The following CCSER1 variants were observed in gnomAD, a reference collection of about 807,000 sequenced individuals.
The protein encoded by CCSER1 is serine-rich coiled-coil domain-containing protein 1.
A neutral mutation model predicts 82.0 loss-of-function variants in CCSER1; 41 were observed. That is an observed-to-expected ratio of 0.50 (90% confidence interval 0.39 to 0.65). The LOEUF is 0.65. CCSER1 is among the 30% of genes least tolerant of loss of function. The pLI is 0.00. For synonymous variants in CCSER1, 414 were observed against 383.9 expected (o/e 1.08, Z -0.92); for missense variants, 1,119 against 1,064.2 (o/e 1.05, Z -0.72).
At chr4:91,503,215 G>A (rs1032057870) in intron 10 of CCSER1, among the ~76,000 whole-genome samples, 5 of 151,722 alleles carry the variant, frequency 3.3e-5, no homozygotes, top group Admixed American at 6.6e-5. Flanking sequence ...GGTGGCGGGC[G>A]CCTGTGGTCC....
intron 5 of CCSER1, among the ~76,000 whole-genome samples, chr4:90,553,099 A>G (rs909694846): frequency 6.6e-5 from 10 of 151,904 alleles, no homozygotes; most frequent in African/African-American, 2.4e-4. Context: ...GGCTGCCAGT[A>G]GCTGAGACTA....
chr4:90,779,119 C>A (rs901910476), intron 7 of CCSER1, among the ~76,000 whole-genome samples: 4 of 152,170 alleles, frequency 2.6e-5, no homozygotes, highest in African/African-American at 9.6e-5. Context: ...TTCATTCATT[C>A]TCTGTATTCT....
chr4:90,419,462 T>C (rs1756356919), intron 4 of CCSER1, among the ~76,000 whole-genome samples: 1 of 151,938 alleles, frequency 6.6e-6, no homozygotes. Flanking sequence ...GCAAATACTC[T>C]GGTTAAAGAA....
At chr4:90,752,055 A>T (rs1421200398) in intron 7 of CCSER1, among the ~76,000 whole-genome samples, 1 of 152,126 alleles carries the variant, frequency 6.6e-6, no homozygotes, top group African/African-American at 2.4e-5. Context: ...AGGTAGCTAT[A>T]TTACAAGCTT....
At chr4:90,843,396 C>G (rs1239944516) in intron 8 of CCSER1, among the ~76,000 whole-genome samples, 1 of 152,114 alleles carries the variant, frequency 6.6e-6, no homozygotes, top group Non-Finnish European at 1.5e-5. Flanking sequence ...AGTTAGGCCT[C>G]AAATAGTTTA....
At chr4:90,545,233 T>C (rs1343404022) in intron 5 of CCSER1, among the ~76,000 whole-genome samples, 1 of 152,112 alleles carries the variant, frequency 6.6e-6, no homozygotes, top group Non-Finnish European at 1.5e-5. Context: ...GGGAAGGTTT[T>C]TTACTTCCCT....
intron 1 of CCSER1, among the ~76,000 whole-genome samples, chr4:90,237,944 G>C (rs1190836157): frequency 6.6e-6 from 1 of 152,136 alleles, no homozygotes; most frequent in Non-Finnish European, 1.5e-5. Context: ...AGCCCTGCTA[G>C]TTAATATTCA....
chr4:90,950,170 G>A (rs1407176934), intron 9 of CCSER1, among the ~76,000 whole-genome samples: 1 of 152,034 alleles, frequency 6.6e-6, no homozygotes, highest in Non-Finnish European at 1.5e-5. Context: ...AAAACAACAT[G>A]TTAATAAAAA....
At position 90,758,914 on chromosome 4, in the gene CCSER1, G is replaced by A. The variant is rs561637472; in HGVS notation, c.2010+34923G>A. 2.2e-4 allele frequency among the ~76,000 whole-genome samples: 33 copies of A among 152,220 alleles called. No homozygotes were observed. The South Asian group carries it at 6.8e-3, about 32-fold the overall frequency. On this transcript the variant is annotated intron_variant, in intron 7 of 10. Coordinates refer to ENST00000509176, the MANE Select transcript of CCSER1 (RefSeq NM_001145065.2). ...GGGGATAATCTGTCTAAGGGGAGAA[G>A]GGATTTAATAATATTTCATGCTATT...
intron 7 of CCSER1, among the ~76,000 whole-genome samples, chr4:90,794,023 T>C (rs371864811): frequency 1.3e-5 from 2 of 152,226 alleles, no homozygotes; most frequent in East Asian, 3.8e-4. Flanking sequence ...GTTTTTGTCT[T>C]GTAAGTTTGT....
intron 10 of CCSER1, among the ~76,000 whole-genome samples, chr4:91,505,196 T>C (rs1759421248): frequency 6.6e-6 from 1 of 152,194 alleles, no homozygotes; most frequent in African/African-American, 2.4e-5. Context: ...CATACAGTGT[T>C]TGGTTTTCTG....
chr4:90,512,038 T>C (rs1771602465), intron 5 of CCSER1, among the ~76,000 whole-genome samples: 2 of 152,202 alleles, frequency 1.3e-5, no homozygotes, highest in Non-Finnish European at 2.9e-5. Context: ...AAAAAATGAA[T>C]ACCCAGTGGT....
chr4:90,298,257 C>T (rs1271741684), intron 1 of CCSER1, among the ~76,000 whole-genome samples: 1 of 152,114 alleles, frequency 6.6e-6, no homozygotes, highest in African/African-American at 2.4e-5. Context: ...TCCATTTCTT[C>T]TAGATTTTCT....
intron 1 of CCSER1, among the ~76,000 whole-genome samples, chr4:90,254,133 C>T (rs1722847167): frequency 6.6e-6 from 1 of 152,192 alleles, no homozygotes; most frequent in Non-Finnish European, 1.5e-5. Flanking sequence ...TCTGTCTCCT[C>T]TTAAATTTCT....
intron 7 of CCSER1, among the ~76,000 whole-genome samples, chr4:90,779,166 A>G (rs17017551): frequency 0.06 from 9,149 of 152,168 alleles, 320 homozygotes; most frequent in East Asian, 0.15. Flanking sequence ...GATATGACTT[A>G]TTTTCCAGTA....
intron 10 of CCSER1, among the ~76,000 whole-genome samples, chr4:91,487,130 T>G (rs1222567259): frequency 1.3e-5 from 2 of 152,110 alleles, no homozygotes; most frequent in Non-Finnish European, 2.9e-5. Context: ...ACAGGATATA[T>G]TTTTTGCCTT....
chr4:90,337,426 C>A (rs994783873), intron 3 of CCSER1, among the ~76,000 whole-genome samples: 1 of 152,156 alleles, frequency 6.6e-6, no homozygotes, highest in Non-Finnish European at 1.5e-5. Context: ...CAAAACACAG[C>A]AGCTGGGAGA....
chr4:91,471,361 G>T (rs530431752), intron 10 of CCSER1, among the ~76,000 whole-genome samples: 21 of 152,136 alleles, frequency 1.4e-4, no homozygotes, highest in Non-Finnish European at 2.1e-4. Context: ...CTACCCAAAT[G>T]AATTGCTGGA....
intron 10 of CCSER1, among the ~76,000 whole-genome samples, chr4:91,315,649 A>G (rs1450772566): frequency 6.6e-6 from 1 of 152,006 alleles, no homozygotes; most frequent in African/African-American, 2.4e-5. Flanking sequence ...AGACACATCA[A>G]TGAGCCAATC....
Sources: allele counts gnomAD v4.1 joint callset (sites outside exome capture counted in the v4.1 genomes callset), GRCh38; gene constraint gnomAD v4.1.1; transcripts MANE v1.5; gene names NCBI Gene and HGNC (gene_info 2026-07-23, HGNC 2026-07-21).